MROH2A: variants seen among roughly 807,000 people sequenced by gnomAD.
MROH2A encodes the protein maestro heat-like repeat-containing protein family member 2A.
In MROH2A, 174 loss-of-function variants were observed where a neutral mutation model predicts 200.4. The observed-to-expected ratio is 0.87, with a 90% CI of 0.77 to 0.98. The LOEUF (loss-of-function observed/expected upper bound fraction) is 0.98. Ranked by LOEUF, MROH2A falls within the 50% of genes least tolerant of loss-of-function variation. The probability of loss-of-function intolerance (pLI) is 0.00; values close to 1 mark genes in which losing one functional copy is unlikely to be tolerated. For missense variants in MROH2A, 2,045 were observed against 2,139.6 expected, an observed-to-expected ratio of 0.96 and a Z score of 0.87; for synonymous variants, 829 against 840.4, an observed-to-expected ratio of 0.99 and a Z score of 0.23.
intron 38 of MROH2A, among the ~76,000 whole-genome samples, chr2:233,830,690 G>A (rs911733688): frequency 3.3e-5 from 5 of 151,886 alleles, no homozygotes; most frequent in African/African-American, 1.2e-4. Flanking sequence ...CAGGCAGTGA[G>A]GGGGATTGAG....
chr2:233,804,832 A>G (rs138857322), intron 18 of MROH2A, among the ~76,000 whole-genome samples, 172 bp from the exon 19 acceptor site: 14 of 152,246 alleles, frequency 9.2e-5, no homozygotes, highest in Non-Finnish European at 1.6e-4. Context: ...AGACCCACAG[A>G]TCATTATTAG....
At chr2:233,798,263 T>A (rs147275541) in intron 11 of MROH2A, among the ~76,000 whole-genome samples, 5 of 152,364 alleles carry the variant, frequency 3.3e-5, no homozygotes, top group African/African-American at 1.2e-4. Flanking sequence ...AGACTCTGTG[T>A]TAACTCTGTG....
At chr2:233,830,348 C>T (rs1380290234) in intron 38 of MROH2A, among the ~76,000 whole-genome samples, 1 of 152,226 alleles carries the variant, frequency 6.6e-6, no homozygotes, top group Non-Finnish European at 1.5e-5. Context: ...ATGACCTTGA[C>T]CGCCCTCTTC....
At chr2:233,813,313 T>C (rs1703296057) in intron 24 of MROH2A, among the ~76,000 whole-genome samples, 1 of 152,188 alleles carries the variant, frequency 6.6e-6, no homozygotes. Flanking sequence ...GTCCAAGCAT[T>C]ACCCTTGAAA....
rs534354764 is a variant in MROH2A, at chr2:233,829,678, T to G, written c.4505T>G (p.Val1502Gly). 4 of 1,491,742 alleles carry G rather than the reference T, an allele frequency of 2.7e-6. No individual in the cohort carries two copies. The highest frequency in any genetic ancestry group is 2.3e-5 in the Admixed American group (1 of 43,332). 92.4% of individuals were successfully genotyped at this position (1,491,742 alleles called of 1,614,324 possible). Reference protein sequence around the residue: ...FILFGKLARVVGMSKKHFFKG... With the variant: ...FILFGKLARVGGMSKKHFFKG... ...CTCTTTGGAAAGCTGGCAAGGGTGG[T>G]CGGGATGTCCAAGAAGCATTTCTTC... is the stretch of plus-strand genomic sequence containing the variant. The change falls in exon 38 of 42, where the codon GTC becomes GGC. Residue 1502 changes from valine (V) to glycine (G), a missense_variant. Physicochemically the swap from Val to Gly is moderately radical, Grantham distance 109. This residue lies in a region of MROH2A where 1,201 missense variants were observed against 1,311.3 expected (regional missense o/e 0.92). Coordinates refer to ENST00000389758, the MANE Select transcript of MROH2A (RefSeq NM_001394639.1).
chr2:233,809,371 AG>A, intron 22 of MROH2A, 93 bp downstream of exon 22: 1 of 1,383,250 alleles, frequency 7.2e-7, no homozygotes, highest in Non-Finnish European at 9.9e-7. Flanking sequence ...ATCCCTACCC[AG>A]GGGACATCCA....
rs149079429 is a variant in MROH2A at position 233,813,067 on chromosome 2, C to T, written c.2652-603C>T. 2.6e-4 allele frequency among the ~76,000 whole-genome samples: 40 copies of T among 152,278 alleles called. No homozygotes were observed. In the East Asian group the frequency reaches 3.3e-3, roughly 13 times the overall value. Reference sequence around the variant, plus strand: ...TCCCTGGGGGTCCTTAAAAAATCCTCGAGGTATCTTTAATATGCATCAAGC... The same window carrying T: ...TCCCTGGGGGTCCTTAAAAAATCCTTGAGGTATCTTTAATATGCATCAAGC... On this transcript the variant is annotated intron_variant, in intron 24 of 41. Transcript: ENST00000389758.
chr2:233,820,990 C>G lies in MROH2A; in HGVS notation c.3512+934C>G, dbSNP rs1249905111. ...GGGTAAGGGGGATGTGCGGTGCAGC[C>G]CTGGGTCAGGCTGGCGTACTTGGTG... On this transcript the variant is annotated intron_variant, in intron 31 of 41. Transcript: ENST00000389758. The surrounding 1 kb of genome is among the most constrained non-coding windows in gnomAD (Gnocchi z 4.1). Among the ~76,000 whole-genome samples the G allele has an allele frequency of 6.6e-6, 1 of 152,126 alleles. No homozygotes were observed. The highest frequency in any genetic ancestry group is 1.5e-5 in the Non-Finnish European group (1 of 68,008).
chr2:233,814,452 G>A (rs11563239), intron 25 of MROH2A, 130 bp from the exon 26 acceptor site: 1 of 611,108 alleles, frequency 1.6e-6, no homozygotes, highest in Non-Finnish European at 2.9e-6. Flanking sequence ...GAAAATAAGT[G>A]TCAAGAGCTC....
At chr2:233,830,488 G>C (rs1000308783) in intron 38 of MROH2A, among the ~76,000 whole-genome samples, 1 of 152,220 alleles carries the variant, frequency 6.6e-6, no homozygotes, top group Admixed American at 6.5e-5. Flanking sequence ...GAAATGCAAT[G>C]GTCATTTTCA....
At chr2:233,814,209 C>G (rs970520906) in intron 25 of MROH2A, among the ~76,000 whole-genome samples, 1 of 152,168 alleles carries the variant, frequency 6.6e-6, no homozygotes, top group African/African-American at 2.4e-5. Flanking sequence ...TTGGCTGAAA[C>G]ACAGTCACAT....
At chr2:233,786,748 A>G (rs1280542217) in intron 3 of MROH2A, among the ~76,000 whole-genome samples, 3 of 152,176 alleles carry the variant, frequency 2.0e-5, no homozygotes, top group Non-Finnish European at 2.9e-5. Flanking sequence ...ATTAACACAC[A>G]GGTCTTAATC....
Position 233,807,757 on chromosome 2 carries a change from T to A in MROH2A, c.2197T>A (p.Cys733Ser). 1 of 1,550,756 alleles carries A rather than the reference T, an allele frequency of 6.4e-7. No individual in the cohort carries two copies. Among genetic ancestry groups the A allele is most frequent in the African/African-American group, 1.4e-5 (1 of 73,192 alleles). Residue 733 changes from cysteine (C) to serine (S), a missense_variant, in exon 21 of 42, where the codon TGT (cysteine) becomes AGT (serine). By Grantham distance (112) the Cys-to-Ser change is moderately radical. Around this residue, in one of 3 missense-constraint regions of MROH2A, gnomAD observed 1,201 missense variants for 1,311.3 expected, o/e 0.92. Coordinates refer to ENST00000389758, the MANE Select transcript of MROH2A (RefSeq NM_001394639.1). This position sits in a 1 kb window ranked among gnomAD's most constrained non-coding sequence, Gnocchi z 4.3. ...GGGTGTGATTATGTGCTTTGGCCTG[T>A]GTGCCCGGGGCCAGGTAAAAACGGT... ...SEGVIMCFGL[C>S]ARGQVKTVLN...
intron 41 of MROH2A, 78 bp from the exon 42 acceptor site, chr2:233,833,060 C>T: frequency 1.4e-6 from 2 of 1,448,090 alleles, no homozygotes; most frequent in Non-Finnish European, 1.8e-6. Context: ...CCCTTGCCTG[C>T]CATCACTGCC....
rs886880730 is a variant in MROH2A, at chr2:233,832,645, G to T, written c.4903+1G>T. On this transcript the variant is annotated splice_donor_variant, in intron 41 of 41. Transcript: ENST00000389758. LOFTEE classifies it high-confidence loss of function. ...CTGGACTTCCCAGCATTACGGAATTGTGAGTAGTGGAGAGTGTTAGATGTT... is the reference window on the plus strand; with the variant it reads ...CTGGACTTCCCAGCATTACGGAATTTTGAGTAGTGGAGAGTGTTAGATGTT... 8 of 1,545,242 alleles carry T rather than the reference G, an allele frequency of 5.2e-6. No homozygotes were observed. In the African/African-American group the frequency reaches 1.1e-4, roughly 21 times the overall value.
intron 26 of MROH2A, 42 bp downstream of exon 26, chr2:233,814,719 C>T: frequency 1.4e-6 from 2 of 1,396,000 alleles, no homozygotes; most frequent in Non-Finnish European, 2.0e-6. Flanking sequence ...GATGGCCACT[C>T]CTCCCCAGAA....
chr2:233,802,371 C>G (rs1702528935), intron 15 of MROH2A, 56 bp downstream of exon 15: 4 of 1,503,746 alleles, frequency 2.7e-6, no homozygotes, highest in Non-Finnish European at 3.6e-6. Context: ...GGCTCCTTGT[C>G]TGGGAATGCC....
chr2:233,822,106 T>G lies in MROH2A; in HGVS notation c.3513-18T>G. 1.3e-6 allele frequency: 2 copies of G among 1,545,564 alleles called. No homozygotes were observed. The highest frequency in any genetic ancestry group is 1.7e-6 in the Non-Finnish European group (2 of 1,144,092). ...CATGCCAGGAAACTCACAGTCCTTG[T>G]GCCCTGACTTTGGTTAGCCACCTGG... On this transcript the variant is annotated intron_variant, in intron 31 of 41. Coordinates refer to ENST00000389758, the MANE Select transcript of MROH2A (RefSeq NM_001394639.1).
intron 3 of MROH2A, among the ~76,000 whole-genome samples, chr2:233,788,047 ATT>A (rs1491308369): frequency 1.2e-5 from 1 of 81,082 alleles, no homozygotes; most frequent in Non-Finnish European, 2.2e-5. Flanking sequence ...ATACATATAT[ATT>A]ATATATACAT....
Sources: allele counts gnomAD v4.1 joint callset (sites outside exome capture counted in the v4.1 genomes callset), GRCh38; gene constraint gnomAD v4.1.1; regional missense constraint gnomAD v4.1.1; non-coding constraint Gnocchi (gnomAD v3.1); transcripts MANE v1.5; gene names NCBI Gene and HGNC (gene_info 2026-07-23, HGNC 2026-07-21).